The following ICA1 variants were observed in gnomAD, a reference collection of about 807,000 sequenced individuals.
ICA1 encodes the protein islet cell autoantigen 1, also known as 69 kDa islet cell autoantigen.
ICA1 carries 40 observed loss-of-function variants against 71.0 expected under a neutral mutation model. The observed-to-expected ratio is 0.56, with a 90% CI of 0.44 to 0.73. The LOEUF is 0.73. Among genes scored for constraint, ICA1 ranks in the 30% least tolerant of loss-of-function variants. ICA1 has a pLI of 0.00. For synonymous variants in ICA1, 207 were observed against 209.5 expected (o/e 0.99, Z 0.10); for missense variants, 578 against 576.5 (o/e 1.00, Z -0.03).
chr7:8,242,946 T>C (rs1804523489), intron 1 of ICA1, among the ~76,000 whole-genome samples: 1 of 152,024 alleles, frequency 6.6e-6, no homozygotes, highest in Non-Finnish European at 1.5e-5. Context: ...CCAAAAAAAG[T>C]CCAGGACCAG....
At chr7:8,195,156 T>C (rs138014882) in intron 6 of ICA1, among the ~76,000 whole-genome samples, 26 of 152,212 alleles carry the variant, frequency 1.7e-4, no homozygotes, top group African/African-American at 6.0e-4. Context: ...GAACTGCAAA[T>C]TAAAACAACA....
intron 6 of ICA1, among the ~76,000 whole-genome samples, chr7:8,174,735 G>A (rs1339477745): frequency 8.2e-6 from 1 of 121,220 alleles, no homozygotes; most frequent in East Asian, 2.7e-4. Context: ...CAGCCTGGGT[G>A]ACACAGCCAG....
intron 8 of ICA1, among the ~76,000 whole-genome samples, chr7:8,150,995 G>A (rs549753691): frequency 2.6e-5 from 4 of 152,188 alleles, no homozygotes; most frequent in African/African-American, 4.8e-5. Flanking sequence ...TTTGAAACAC[G>A]GAAAGAAGAA....
At chr7:8,178,159 C>T (rs916991077) in intron 6 of ICA1, among the ~76,000 whole-genome samples, 2 of 152,196 alleles carry the variant, frequency 1.3e-5, no homozygotes, top group Non-Finnish European at 2.9e-5. Context: ...TCCCAGTGTT[C>T]ATCCCCTTCC....
intron 5 of ICA1, among the ~76,000 whole-genome samples, chr7:8,220,602 G>C (rs1420293576): frequency 6.6e-6 from 1 of 152,090 alleles, no homozygotes; most frequent in African/African-American, 2.4e-5. Context: ...ACTGTGTGCA[G>C]GGGCTCCTGC....
At chr7:8,252,957 C>T (rs1175755086) in intron 1 of ICA1, among the ~76,000 whole-genome samples, 1 of 152,046 alleles carries the variant, frequency 6.6e-6, no homozygotes, top group Non-Finnish European at 1.5e-5. Flanking sequence ...ACAATCCTCC[C>T]ACCTCAGCCT....
In ICA1 at chr7:8,232,598, T is replaced by C; in HGVS notation, c.175A>G (p.Lys59Glu). 3.7e-6 allele frequency: 6 copies of C among 1,610,762 alleles called. No homozygotes were observed. The highest frequency in any genetic ancestry group is 5.1e-6 in the Non-Finnish European group (6 of 1,178,364). ...AGCAATAAAGAGCTCACCTCTAGCTTGGCATCCAGGTCCGCGTCAGAGGCA... is the reference window on the plus strand; with the variant it reads ...AGCAATAAAGAGCTCACCTCTAGCTCGGCATCCAGGTCCGCGTCAGAGGCA... ...VVASDADLDA[K>E]LELFHSIQRT... Residue 59 changes from lysine to glutamate, a missense_variant, in exon 3 of 14, where the codon AAG becomes GAG. Lys to Glu is a moderately conservative substitution (Grantham distance 56). Transcript: ENST00000402384.
intron 12 of ICA1, among the ~76,000 whole-genome samples, chr7:8,133,263 T>C (rs1386241692): frequency 6.6e-6 from 1 of 152,200 alleles, no homozygotes; most frequent in Non-Finnish European, 1.5e-5. Flanking sequence ...TTAGCCCCTA[T>C]AACTCTAAGA....
Position 8,138,890 on chromosome 7 carries a change from AAGAGG to A in ICA1, c.1019-14_1019-10del. 1 of 1,605,174 alleles carries A rather than the reference AAGAGG, an allele frequency of 6.2e-7. No homozygotes were observed. The highest frequency in any genetic ancestry group is 8.5e-7 in the Non-Finnish European group (1 of 1,172,316). ...TAGTTCATCTATGGGTCCTTTAGAG[AAGAGG>A]AAAGAAAACAAAATTATAAGTCAGT... On this transcript the variant is annotated splice_polypyrimidine_tract_variant and intron_variant, in intron 11 of 13. Coordinates refer to ENST00000402384, the MANE Select transcript of ICA1 (RefSeq NM_001136020.3).
At chr7:8,174,601 T>G (rs1243638280) in intron 6 of ICA1, among the ~76,000 whole-genome samples, 9 of 151,422 alleles carry the variant, frequency 5.9e-5, no homozygotes, top group Admixed American at 5.9e-4. Context: ...TCAGACCAGC[T>G]TGGGCAACGT....
intron 1 of ICA1, among the ~76,000 whole-genome samples, chr7:8,256,336 C>G (rs575103076): frequency 4.6e-5 from 7 of 152,236 alleles, no homozygotes; most frequent in African/African-American, 1.2e-4. Context: ...TGAAAAAACA[C>G]AGGCCCCTTT....
chr7:8,223,655 G>A lies in ICA1; in HGVS notation c.257-2257C>T, dbSNP rs1797745324. 6.5e-6 allele frequency: 1 copy of A among 153,120 alleles called. No individual in the cohort carries two copies. Among genetic ancestry groups the A allele is most frequent in the Admixed American group, 6.6e-5 (1 of 15,260 alleles). The allele number at this position is 153,120 out of a possible 1,614,324, so 9.5% of individuals were successfully genotyped here. A position where few individuals can be genotyped will look rare whatever the true frequency, so the allele number is the denominator to read the frequency against. On this transcript the variant is annotated intron_variant, in intron 4 of 13. Transcript: ENST00000402384. The surrounding 1 kb of genome is among the most constrained non-coding windows in gnomAD (Gnocchi z 4.1). Reference sequence around the variant, plus strand: ...CAGGTAACGCAAAAGGGCTGAGTGTGGTGGTTCACACCTGCAGTCCCAGCA... The same window carrying A: ...CAGGTAACGCAAAAGGGCTGAGTGTAGTGGTTCACACCTGCAGTCCCAGCA...
At chr7:8,203,491 T>G (rs1790450520) in intron 6 of ICA1, among the ~76,000 whole-genome samples, 1 of 152,150 alleles carries the variant, frequency 6.6e-6, no homozygotes, top group Non-Finnish European at 1.5e-5. Context: ...AAAGTATTTC[T>G]CAAGGTGTGA....
chr7:8,259,392 C>G (rs1417266187), intron 1 of ICA1, among the ~76,000 whole-genome samples: 1 of 152,152 alleles, frequency 6.6e-6, no homozygotes, highest in African/African-American at 2.4e-5. Context: ...TTGCACCCCC[C>G]AACTTCAGAG....
chr7:8,237,332 C>T (rs1050954664), intron 1 of ICA1, among the ~76,000 whole-genome samples: 3 of 152,024 alleles, frequency 2.0e-5, no homozygotes, highest in African/African-American at 4.8e-5. Flanking sequence ...TTGAAATTTC[C>T]AACAAATTTT....
chr7:8,152,688 ACTACCC>A (rs1799553095), intron 8 of ICA1, among the ~76,000 whole-genome samples: 1 of 151,160 alleles, frequency 6.6e-6, no homozygotes, highest in Admixed American at 6.6e-5. Flanking sequence ...CTTCATCACC[ACTACCC>A]CCACCACTAC....
Position 8,127,958 on chromosome 7 carries a change from T to G in ICA1, c.1245A>C (p.Pro415=), listed in dbSNP as rs1236900261. Residue 415 remains proline (P), a synonymous_variant, in exon 13 of 14, where the codon CCA becomes CCC. Coordinates refer to ENST00000402384, the MANE Select transcript of ICA1 (RefSeq NM_001136020.3). ...EPVPTMALGE[P]DPKAQTGSGF... ...CTGAGCCTGTCTGGGCCTTGGGGTC[T>G]GGCTCTCCCAGGGCCATAGTGGGCA... is the stretch of plus-strand genomic sequence containing the variant. 1.9e-6 allele frequency: 3 copies of G among 1,614,132 alleles called. No homozygotes were observed. The South Asian group carries it at 3.3e-5, about 18-fold the overall frequency.
At chr7:8,190,401 A>G (rs775002517) in intron 6 of ICA1, among the ~76,000 whole-genome samples, 10 of 152,216 alleles carry the variant, frequency 6.6e-5, no homozygotes, top group Non-Finnish European at 8.8e-5. Context: ...AAACTCACAA[A>G]TGTTGTAAAA....
In ICA1 at chr7:8,218,401, C is replaced by T. The variant is rs1489279140; in HGVS notation, c.483G>A (p.Gln161=). ...DTWLTVNRME[Q]CRTEYRGALL... is the part of the protein sequence containing the mutation. ...GTGCTCCTCTATATTCCGTCCTGCA[C>T]TGTTCCATGCGGTTCACCGTCAGCC... The change falls in exon 6 of 14, where the codon CAG becomes CAA. Residue 161 remains glutamine, a synonymous_variant. Coordinates refer to ENST00000402384, the MANE Select transcript of ICA1 (RefSeq NM_001136020.3). The T allele has an allele frequency of 6.2e-7, 1 of 1,614,064 alleles. No individual in the cohort carries two copies. Among genetic ancestry groups the T allele is most frequent in the African/African-American group, 1.3e-5 (1 of 74,942 alleles).
Sources: allele counts gnomAD v4.1 joint callset (sites outside exome capture counted in the v4.1 genomes callset), GRCh38; gene constraint gnomAD v4.1.1; non-coding constraint Gnocchi (gnomAD v3.1); transcripts MANE v1.5; gene names NCBI Gene and HGNC (gene_info 2026-07-23, HGNC 2026-07-21).